The following FAM174B variants were observed in gnomAD, a reference collection of about 807,000 sequenced individuals.
FAM174B encodes membrane protein FAM174B.
In FAM174B, 12 loss-of-function variants were observed where a neutral mutation model predicts 10.9. The ratio of observed to expected loss-of-function variants is 1.10; its 90% CI spans 0.71 to 1.79. The LOEUF is 1.79. FAM174B is among the 40% of genes most tolerant of loss of function. The probability of loss-of-function intolerance (pLI) is 0.00; values close to 1 mark genes in which losing one functional copy is unlikely to be tolerated. For synonymous variants in FAM174B, 132 were observed against 115.8 expected, an observed-to-expected ratio of 1.14 and a Z score of -0.90; for missense variants, 266 against 233.3, an observed-to-expected ratio of 1.14 and a Z score of -0.91.
At chr15:92,639,378 A>T (rs2050875816) in intron 1 of FAM174B, 1 of 152,248 alleles carries the variant, frequency 6.6e-6, no homozygotes, top group South Asian at 2.1e-4. Context: ...TTAATCTGCA[A>T]GCTCAGTGAA....
At chr15:92,621,098 T>A (rs1241359656) in intron 2 of FAM174B, among the ~76,000 whole-genome samples, 7 of 152,196 alleles carry the variant, frequency 4.6e-5, no homozygotes, top group Admixed American at 4.6e-4. Context: ...AGATACTTAA[T>A]CATTTGCAGG....
chr15:92,617,586 G>GT lies in FAM174B; in HGVS notation c.*1869dup, dbSNP rs1215411029. 1.1e-5 allele frequency: 7 copies of GT among 613,326 alleles called. No individual in the cohort carries two copies. The highest frequency in any genetic ancestry group is 1.9e-5 in the African/African-American group (1 of 52,150). The allele number at this position is 613,326 out of a possible 1,614,324, so 38.0% of individuals were successfully genotyped here. A position where few individuals can be genotyped will look rare whatever the true frequency, so the allele number is the denominator to read the frequency against. On this transcript the variant is annotated 3_prime_UTR_variant, in exon 3 of 3. Coordinates refer to ENST00000327355, the MANE Select transcript of FAM174B (RefSeq NM_207446.3). ...GCAGATGGAGCCCGGGTGTTTCTGC[G>GT]TAAGGCAGAGGAATCCAGCTTTTCC...
In FAM174B at chr15:92,655,502, T is replaced by G. The variant is rs1168215707; in HGVS notation, c.158A>C (p.Asn53Thr). Reference sequence around the variant, plus strand: ...CGCCCCAGACCCAAACCGGGTGGTGTTCCCGGGCCCCGGGCCGGGCGGTGG... The same window carrying G: ...CGCCCCAGACCCAAACCGGGTGGTGGTCCCGGGCCCCGGGCCGGGCGGTGG... ...SRPPPGPGPG[N>T]TTRFGSGAAG... Residue 53 changes from asparagine to threonine, a missense_variant, in exon 1 of 3, where the codon AAC becomes ACC. Transcript: ENST00000327355. 6.6e-7 allele frequency: 1 copy of G among 1,514,480 alleles called. No homozygotes were observed. The highest frequency in any genetic ancestry group is 1.4e-5 in the African/African-American group (1 of 69,260). 93.8% of individuals were successfully genotyped at this position (1,514,480 alleles called of 1,614,324 possible). A position where few individuals can be genotyped will look rare whatever the true frequency, so the allele number is the denominator to read the frequency against.
At position 92,635,136 on chromosome 15, in the gene FAM174B, CCT is replaced by C. The variant is rs201561565; in HGVS notation, c.345-4793_345-4792del. ...TCTTTCTCTGTCTCTCTCTCTCTCT[CCT>C]CTCTTTCGCTCACTATCTCTCCACA... On this transcript the variant is annotated intron_variant, in intron 1 of 2. Transcript: ENST00000327355. Among the ~76,000 whole-genome samples, 1,221 of 138,778 alleles carry C rather than the reference CCT, an allele frequency of 8.8e-3. 18 individuals carry two copies. The highest frequency in any genetic ancestry group is 0.031 in the African/African-American group (1,183 of 37,728). The allele number at this position is 138,778 out of a possible 152,430, so 91.0% of individuals were successfully genotyped here.
chr15:92,632,038 T>C (rs1256007074), intron 1 of FAM174B, among the ~76,000 whole-genome samples: 1 of 152,140 alleles, frequency 6.6e-6, no homozygotes, highest in Non-Finnish European at 1.5e-5. Context: ...TTGCATGAGA[T>C]GATGCAGTTA....
In FAM174B at chr15:92,655,771, T is replaced by G. The variant is rs2141968832; in HGVS notation, c.-112A>C. ...TCCTGCGGCGGAGGCGGCTGCGCGG[T>G]GCTTGGCAGGAAGCTGCGGCGCCCG... On this transcript the variant is annotated 5_prime_UTR_variant, in exon 1 of 3. Transcript: ENST00000327355. The G allele has an allele frequency of 1.0e-6, 1 of 990,214 alleles. No individual in the cohort carries two copies. Among genetic ancestry groups the G allele is most frequent in the Non-Finnish European group, 1.3e-6 (1 of 786,406 alleles). The allele number at this position is 990,214 out of a possible 1,614,324, so 61.3% of individuals were successfully genotyped here.
chr15:92,626,741 C>G (rs1278106309), intron 2 of FAM174B, among the ~76,000 whole-genome samples: 2 of 152,088 alleles, frequency 1.3e-5, no homozygotes, highest in East Asian at 3.9e-4. Flanking sequence ...GGAGCTAACA[C>G]TATTCCTGTA....
At chr15:92,631,299 TA>T (rs1567045256) in intron 1 of FAM174B, among the ~76,000 whole-genome samples, 1,500 of 6,732 alleles carry the variant, frequency 0.22, 703 homozygotes, top group East Asian at 0.79. Context: ...ATATATTATA[TA>T]TAATATATTA....
At position 92,617,762 on chromosome 15, in the gene FAM174B, C is replaced by A. The variant is rs574193418; in HGVS notation, c.*1694G>T. 1.4e-4 allele frequency: 81 copies of A among 568,824 alleles called. No individual in the cohort carries two copies. The African/African-American group carries it at 1.5e-3, about 11-fold the overall frequency. The allele number at this position is 568,824 out of a possible 1,614,324, so 35.2% of individuals were successfully genotyped here. On this transcript the variant is annotated 3_prime_UTR_variant, in exon 3 of 3. Transcript: ENST00000327355. Reference sequence around the variant, plus strand: ...GTGGAGAGGAGAGATAAAGCAGCCACGGCTGTTCTGTTGCCAGTCCCACCC... The same window carrying A: ...GTGGAGAGGAGAGATAAAGCAGCCAAGGCTGTTCTGTTGCCAGTCCCACCC...
chr15:92,643,798 A>G lies in FAM174B; in HGVS notation c.344+11518T>C, dbSNP rs79424676. 4.6e-3 allele frequency among the ~76,000 whole-genome samples: 696 copies of G among 152,292 alleles called. 3 individuals are homozygous for G. The highest frequency in any genetic ancestry group is 0.016 in the African/African-American group (670 of 41,554). On this transcript the variant is annotated intron_variant, in intron 1 of 2. Transcript: ENST00000327355. The stretch of plus-strand genomic sequence containing the variant: ...GGCTGTTTCCATTTTTAAGCCCACT[A>G]AAGTAGTTCTGTAGCCCAAGGACCA...
chr15:92,629,369 C>G (rs536996771), intron 2 of FAM174B, among the ~76,000 whole-genome samples: 4 of 152,222 alleles, frequency 2.6e-5, no homozygotes, highest in African/African-American at 4.8e-5. Context: ...CAAAGTCATT[C>G]TGACTTTCCT....
At chr15:92,638,002 T>A (rs1468689663) in intron 1 of FAM174B, among the ~76,000 whole-genome samples, 1 of 152,136 alleles carries the variant, frequency 6.6e-6, no homozygotes, top group Non-Finnish European at 1.5e-5. Context: ...TGGGGGCCAG[T>A]GGGACGGCAG....
chr15:92,619,003 G>T lies in FAM174B; in HGVS notation c.*453C>A. 1 of 599,456 alleles carries T rather than the reference G, an allele frequency of 1.7e-6. No homozygotes were observed. Among genetic ancestry groups the T allele is most frequent in the East Asian group, 2.8e-5 (1 of 36,150 alleles). The allele number at this position is 599,456 out of a possible 1,614,324, so 37.1% of individuals were successfully genotyped here. On this transcript the variant is annotated 3_prime_UTR_variant, in exon 3 of 3. Coordinates refer to ENST00000327355, the MANE Select transcript of FAM174B (RefSeq NM_207446.3). ...AAAAAGCAGCAAAGGATCAGATGGG[G>T]TCCAATGTGTAGATCCAGTAGAGAA...
At chr15:92,633,011 T>C (rs780603824) in intron 1 of FAM174B, among the ~76,000 whole-genome samples, 24 of 149,286 alleles carry the variant, frequency 1.6e-4, no homozygotes, top group Non-Finnish European at 3.0e-4. Flanking sequence ...TGACGTTCTT[T>C]GTGTTTGTTC....
chr15:92,617,749 G>C lies in FAM174B; in HGVS notation c.*1707C>G, dbSNP rs952775513. 5.0e-6 allele frequency: 3 copies of C among 598,796 alleles called. No individual in the cohort carries two copies. The highest frequency in any genetic ancestry group is 8.9e-6 in the Non-Finnish European group (3 of 337,624). 37.1% of individuals were successfully genotyped at this position (598,796 alleles called of 1,614,324 possible). A position where few individuals can be genotyped will look rare whatever the true frequency, so the allele number is the denominator to read the frequency against. ...GCCTGAGTACACCGTGGAGAGGAGA[G>C]ATAAAGCAGCCACGGCTGTTCTGTT... On this transcript the variant is annotated 3_prime_UTR_variant, in exon 3 of 3. Transcript: ENST00000327355.
intron 1 of FAM174B, chr15:92,655,024 G>A (rs1023686760): frequency 4.0e-5 from 11 of 274,692 alleles, no homozygotes; most frequent in Non-Finnish European, 6.0e-5. Flanking sequence ...AGAATTCAGA[G>A]CGCTATTGTT....
chr15:92,635,958 C>T (rs2050853270), intron 1 of FAM174B, among the ~76,000 whole-genome samples: 2 of 152,248 alleles, frequency 1.3e-5, no homozygotes, highest in South Asian at 4.1e-4. Context: ...AGGAACAGAG[C>T]CAATCAGCAT....
chr15:92,650,513 G>C lies in FAM174B; in HGVS notation c.344+4803C>G, dbSNP rs565714211. ...ACCGTGGAGTTCGGAGACTCTCCAAGACTGGGAAAGGATCCCCAGGATGAA... is the reference window on the plus strand; with the variant it reads ...ACCGTGGAGTTCGGAGACTCTCCAACACTGGGAAAGGATCCCCAGGATGAA... On this transcript the variant is annotated intron_variant, in intron 1 of 2. Coordinates refer to ENST00000327355, the MANE Select transcript of FAM174B (RefSeq NM_207446.3). Among the ~76,000 whole-genome samples the C allele has an allele frequency of 4.0e-4, 61 of 152,342 alleles. 1 individual carries two copies. Among genetic ancestry groups the C allele is most frequent in the Admixed American group, 4.0e-3 (61 of 15,308 alleles).
chr15:92,626,180 T>C (rs1306005250), intron 2 of FAM174B, among the ~76,000 whole-genome samples: 1 of 135,512 alleles, frequency 7.4e-6, no homozygotes, highest in Non-Finnish European at 1.5e-5. Flanking sequence ...CTCACTGCAA[T>C]CTCTGCCTCC....
Sources: gnomAD v4.1 joint callset for allele counts (sites outside exome capture counted in the v4.1 genomes callset) on GRCh38, gnomAD v4.1.1 for gene constraint, MANE v1.5 for transcripts, NCBI Gene and HGNC (gene_info 2026-07-23, HGNC 2026-07-21) for gene names.